Variants in MAP1S observed in about 807,000 individuals in gnomAD.
The protein encoded by MAP1S is microtubule-associated protein 1S.
Under a neutral mutation model 60.9 loss-of-function variants are expected in MAP1S, and 27 were observed. The ratio of observed to expected loss-of-function variants is 0.44; its 90% CI spans 0.33 to 0.61. The LOEUF is 0.61. MAP1S is among the 20% of genes least tolerant of loss of function. The pLI, the probability that MAP1S is intolerant of heterozygous loss-of-function variation, is 0.03. For synonymous variants in MAP1S, 826 were observed against 694.2 expected, an observed-to-expected ratio of 1.19 and a Z score of -2.98; for missense variants, 1,608 against 1,486.6, an observed-to-expected ratio of 1.08 and a Z score of -1.34.
intron 5 of MAP1S, among the ~76,000 whole-genome samples, chr19:17,730,118 T>C (rs1319061186): frequency 1.3e-5 from 2 of 152,086 alleles, no homozygotes; most frequent in Non-Finnish European, 2.9e-5. Context: ...CAACGTTTAA[T>C]TTTGGATGAA....
intron 1 of MAP1S, 59 bp from the exon 2 acceptor site, chr19:17,720,877 A>G (rs902107656): frequency 7.5e-7 from 1 of 1,331,280 alleles, no homozygotes; most frequent in African/African-American, 1.4e-5. Flanking sequence ...AATTATTGAA[A>G]TATTCTGGGA....
rs1011975386 is a variant in MAP1S at position 17,728,078 on chromosome 19, A to C, written c.2694A>C (p.Pro898=). The part of the protein sequence containing the change: ...GLAGGDRASR[P]LSARSEPSEK... ...CTGGTGGGGACCGTGCCAGCCGACC[A>C]CTCAGTGCCCGGAGTGAGCCCAGTG... is the stretch of plus-strand genomic sequence containing the variant. The change falls in exon 5 of 7, where the codon CCA becomes CCC. Residue 898 remains proline (P), a synonymous_variant. Transcript: ENST00000324096. 1.2e-6 allele frequency: 2 copies of C among 1,612,436 alleles called. No homozygotes were observed. The highest frequency in any genetic ancestry group is 2.7e-5 in the African/African-American group (2 of 74,842).
rs953616811 is a variant in MAP1S, at chr19:17,726,701, C to T, written c.1317C>T (p.Ala439=). The T allele has an allele frequency of 5.7e-6, 9 of 1,590,880 alleles. No homozygotes were observed. Among genetic ancestry groups the T allele is most frequent in the African/African-American group, 5.4e-5 (4 of 74,554 alleles). Residue 439 remains alanine, a synonymous_variant, in exon 5 of 7, where the codon GCC becomes GCT. Transcript: ENST00000324096. ...RVLFPGCTPP[A]CLLDGLVRLQ... is the part of the protein sequence containing the mutation. ...TGTTCCCCGGTTGCACCCCGCCCGC[C>T]TGCCTCCTGGACGGCCTGGTCCGCC...
intron 1 of MAP1S, chr19:17,720,206 G>A: frequency 1.5e-6 from 2 of 1,368,108 alleles, no homozygotes; most frequent in Non-Finnish European, 1.9e-6. Context: ...GGCTCAGTGG[G>A]ACTGGCGGGC....
Position 17,720,127 on chromosome 19 carries a change from T to A in MAP1S, c.118+507T>A, listed in dbSNP as rs1264453902. The A allele has an allele frequency of 4.7e-6, 6 of 1,269,594 alleles. No homozygotes were observed. The African/African-American group carries it at 6.2e-5, about 13-fold the overall frequency. 78.6% of individuals were successfully genotyped at this position (1,269,594 alleles called of 1,614,324 possible). A position where few individuals can be genotyped will look rare whatever the true frequency, so the allele number is the denominator to read the frequency against. ...AATTGGGGTGTGGGCGGGTGCGGCC[T>A]GCCCTGGGGATTTGGCACCTAGGGA... On this transcript the variant is annotated intron_variant, in intron 1 of 6. Transcript: ENST00000324096.
At chr19:17,723,387 A>C (rs2080388233) in intron 2 of MAP1S, among the ~76,000 whole-genome samples, 1 of 151,700 alleles carries the variant, frequency 6.6e-6, no homozygotes, top group South Asian at 2.1e-4. Context: ...TCTCTACTAA[A>C]AATTGAAAAA....
At chr19:17,724,545 C>G (rs62121726) in intron 3 of MAP1S, among the ~76,000 whole-genome samples, 18 of 152,162 alleles carry the variant, frequency 1.2e-4, no homozygotes, top group Non-Finnish European at 2.6e-4. Flanking sequence ...TTGTCTGAAT[C>G]GACTCACTAA....
intron 6 of MAP1S, among the ~76,000 whole-genome samples, chr19:17,733,861 G>T (rs1340894278): frequency 6.6e-6 from 1 of 152,214 alleles, no homozygotes; most frequent in South Asian, 2.1e-4. Context: ...GCCTCACACC[G>T]CGGCCCCTGC....
rs778744196 is a variant in MAP1S, at chr19:17,727,162, C to T, written c.1778C>T (p.Pro593Leu). Residue 593 changes from proline to leucine, a missense_variant, in exon 5 of 7, where the codon CCC (proline) becomes CTC (leucine). Transcript: ENST00000324096. This position sits in a 1 kb window ranked among gnomAD's most constrained non-coding sequence, Gnocchi z 4.1. Reference sequence around the variant, plus strand: ...AGCCTCCGATGTGGAGAAGCCAGCCCCCCCAGTGCAGCCTGCGGCTCTCCG... The same window carrying T: ...AGCCTCCGATGTGGAGAAGCCAGCCTCCCCAGTGCAGCCTGCGGCTCTCCG... ...PPSLRCGEAS[P>L]PSAACGSPAS... 10 of 1,588,232 alleles carry T rather than the reference C, an allele frequency of 6.3e-6. No homozygotes were observed. The South Asian group carries it at 1.0e-4, about 16-fold the overall frequency.
intron 1 of MAP1S, chr19:17,720,629 A>C: frequency 1.0e-6 from 1 of 962,242 alleles, no homozygotes; most frequent in Non-Finnish European, 1.5e-6. Context: ...AGGCAGGGGA[A>C]ACAGCTGTTG....
rs769103534 is a variant in MAP1S at position 17,727,024 on chromosome 19, C to A, written c.1640C>A (p.Ser547Tyr). The change falls in exon 5 of 7, where the codon TCT becomes TAT. Residue 547 changes from serine (S) to tyrosine (Y), a missense_variant. By Grantham distance (144) the Ser-to-Tyr change is moderately radical. Transcript: ENST00000324096. The surrounding 1 kb of genome is among the most constrained non-coding windows in gnomAD (Gnocchi z 4.1). Reference protein sequence around the residue: ...QPREVRRAASSVPNLKKTNAQ... With the variant: ...QPREVRRAASYVPNLKKTNAQ... ...CGGGAGGTGCGCCGGGCAGCCTCTT[C>A]TGTGCCCAACCTCAAGAAGACGAAT... is the stretch of plus-strand genomic sequence containing the variant. 5.0e-6 allele frequency: 8 copies of A among 1,600,466 alleles called. No homozygotes were observed. Among genetic ancestry groups the A allele is most frequent in the Non-Finnish European group, 6.8e-6 (8 of 1,174,540 alleles).
rs1412502564 is a variant in MAP1S at position 17,725,868 on chromosome 19, C to A, written c.484C>A (p.Pro162Thr). 1 of 1,613,520 alleles carries A rather than the reference C, an allele frequency of 6.2e-7. No homozygotes were observed. Among genetic ancestry groups the A allele is most frequent in the Admixed American group, 1.7e-5 (1 of 59,984 alleles). Reference sequence around the variant, plus strand: ...GGCCACCACGCCCCCACCTGTGCAGCCGCCCATACTCACCATCACCTGCCC... The same window carrying A: ...GGCCACCACGCCCCCACCTGTGCAGACGCCCATACTCACCATCACCTGCCC... ...ILATTPPPVQ[P>T]PILTITCPTF... is the part of the protein sequence containing the mutation. Residue 162 changes from proline (P) to threonine (T), a missense_variant, in exon 5 of 7, where the codon CCG (proline) becomes ACG (threonine). Coordinates refer to ENST00000324096, the MANE Select transcript of MAP1S (RefSeq NM_018174.6). This position sits in a 1 kb window ranked among gnomAD's most constrained non-coding sequence, Gnocchi z 4.2.
chr19:17,727,050 G>T lies in MAP1S; in HGVS notation c.1666G>T (p.Ala556Ser). Reference protein sequence around the residue: ...SSVPNLKKTNAQAAPKPRKAP... With the variant: ...SSVPNLKKTNSQAAPKPRKAP... ...TGTGCCCAACCTCAAGAAGACGAAT[G>T]CCCAGGCGGCACCCAAGCCCCGCAA... Residue 556 changes from alanine to serine, a missense_variant, in exon 5 of 7, where the codon GCC becomes TCC. Transcript: ENST00000324096. This position sits in a 1 kb window ranked among gnomAD's most constrained non-coding sequence, Gnocchi z 4.1. The T allele has an allele frequency of 1.2e-6, 2 of 1,606,074 alleles. No homozygotes were observed. Among genetic ancestry groups the T allele is most frequent in the Non-Finnish European group, 1.7e-6 (2 of 1,177,510 alleles).
At chr19:17,724,687 C>A (rs1170968098) in intron 3 of MAP1S, among the ~76,000 whole-genome samples, 1 of 152,176 alleles carries the variant, frequency 6.6e-6, no homozygotes, top group African/African-American at 2.4e-5. Context: ...CCCTTTTGTT[C>A]CCTTGAGGGG....
In MAP1S at chr19:17,724,147, G is replaced by A. The variant is rs746368423; in HGVS notation, c.242G>A (p.Arg81His). The change falls in exon 3 of 7, where the codon CGT (arginine) becomes CAT (histidine). Residue 81 changes from arginine (R) to histidine (H), a missense_variant. Arg to His is a conservative substitution (Grantham distance 29). Coordinates refer to ENST00000324096, the MANE Select transcript of MAP1S (RefSeq NM_018174.6). ...ACAGGCCAGCGGAGCCTGCACCACCGTGGAGACAACCTGGAGACCCTGGTC... is the reference window on the plus strand; with the variant it reads ...ACAGGCCAGCGGAGCCTGCACCACCATGGAGACAACCTGGAGACCCTGGTC... Reference protein sequence around the residue: ...IVKGQRSLHHRGDNLETLVLL... With the variant: ...IVKGQRSLHHHGDNLETLVLL... 9 of 1,613,822 alleles carry A rather than the reference G, an allele frequency of 5.6e-6. No homozygotes were observed. The highest frequency in any genetic ancestry group is 1.1e-5 in the South Asian group (1 of 91,080).
intron 5 of MAP1S, among the ~76,000 whole-genome samples, chr19:17,731,019 G>A (rs749278041): frequency 1.5e-4 from 22 of 151,424 alleles, no homozygotes; most frequent in Non-Finnish European, 2.5e-4. Flanking sequence ...GCCTTCCTGA[G>A]TAGCTGCGAT....
intron 2 of MAP1S, among the ~76,000 whole-genome samples, chr19:17,723,724 C>T (rs537326767): frequency 6.6e-6 from 1 of 152,000 alleles, no homozygotes; most frequent in Non-Finnish European, 1.5e-5. Context: ...GTGGCGGGCA[C>T]CTGTAGTCCT....
At chr19:17,731,747 C>T (rs1235876748) in intron 5 of MAP1S, among the ~76,000 whole-genome samples, 1 of 152,252 alleles carries the variant, frequency 6.6e-6, no homozygotes, top group Non-Finnish European at 1.5e-5. Context: ...CTCACTGCAA[C>T]CTCCACTTCC....
At chr19:17,728,230 T>C in intron 5 of MAP1S, 58 bp downstream of exon 5, 4 of 1,484,368 alleles carry the variant, frequency 2.7e-6, no homozygotes, top group Non-Finnish European at 3.6e-6. Flanking sequence ...CTGGAGAGCA[T>C]AGCTCGTCCC....
Sources: allele counts gnomAD v4.1 joint callset (sites outside exome capture counted in the v4.1 genomes callset), GRCh38; gene constraint gnomAD v4.1.1; non-coding constraint Gnocchi (gnomAD v3.1); transcripts MANE v1.5; gene names NCBI Gene and HGNC (gene_info 2026-07-23, HGNC 2026-07-21).